Variants in DNAAF9 observed in about 807,000 individuals in gnomAD.
DNAAF9 encodes shulin.
Under a neutral mutation model 167.0 loss-of-function variants are expected in DNAAF9, and 90 were observed. The ratio of observed to expected loss-of-function variants is 0.54; its 90% CI spans 0.45 to 0.64. The LOEUF is 0.64. Among genes scored for constraint, DNAAF9 ranks in the 30% least tolerant of loss-of-function variants. The pLI is 0.00. For missense variants in DNAAF9, 1,315 were observed against 1,442.2 expected (o/e 0.91, Z 1.43); for synonymous variants, 491 against 508.8 (o/e 0.96, Z 0.47).
Position 3,329,114 on chromosome 20 carries a change from C to T in DNAAF9, c.1100+1532G>A, listed in dbSNP as rs185316676. The stretch of plus-strand genomic sequence containing the variant: ...TGAACTCCTGACCTCATGTGATCCA[C>T]CCGCCTTGGCCTCCCAAAGTGCTGG... On this transcript the variant is annotated intron_variant, in intron 12 of 36. Transcript: ENST00000252032. 2.5e-3 allele frequency among the ~76,000 whole-genome samples: 375 copies of T among 152,166 alleles called. 1 individual carries two copies. Among genetic ancestry groups the T allele is most frequent in the African/African-American group, 8.7e-3 (361 of 41,498 alleles).
intron 30 of DNAAF9, among the ~76,000 whole-genome samples, chr20:3,267,083 C>T (rs2068504612): frequency 6.6e-6 from 1 of 150,610 alleles, no homozygotes; most frequent in Non-Finnish European, 1.5e-5. Flanking sequence ...AACTCCCGAC[C>T]TCAGGTGATC....
At position 3,332,515 on chromosome 20, in the gene DNAAF9, G is replaced by A. The variant is rs141526136; in HGVS notation, c.982-154C>T. Among the ~76,000 whole-genome samples the A allele has an allele frequency of 3.9e-3, 591 of 151,426 alleles. 9 individuals carry two copies. The highest frequency in any genetic ancestry group is 0.027 in the Admixed American group (409 of 15,232). ...GTCATGTAGGATGGAGTGCAGTGGC[G>A]CAATCTCAGATCATTGCAACCTCCA... On this transcript the variant is annotated intron_variant, in intron 10 of 36. Coordinates refer to ENST00000252032, the MANE Select transcript of DNAAF9 (RefSeq NM_001009984.3).
At chr20:3,255,349 G>A (rs2068260039) in intron 34 of DNAAF9, 65 bp from the exon 35 acceptor site, 1 of 968,956 alleles carries the variant, frequency 1.0e-6, no homozygotes, top group African/African-American at 1.6e-5. Flanking sequence ...GGCAGGGGAG[G>A]GCTCTGGGCT....
At chr20:3,371,791 C>G (rs183137987) in intron 6 of DNAAF9, among the ~76,000 whole-genome samples, 6 of 152,112 alleles carry the variant, frequency 3.9e-5, no homozygotes, top group Admixed American at 3.9e-4. Flanking sequence ...TGAATGCTCA[C>G]TGGTTACTCA....
intron 12 of DNAAF9, among the ~76,000 whole-genome samples, chr20:3,330,432 G>A (rs1038457391): frequency 6.6e-6 from 1 of 151,842 alleles, no homozygotes; most frequent in Non-Finnish European, 1.5e-5. Flanking sequence ...TGTAGAGACA[G>A]GGTCTGCTTA....
At chr20:3,344,622 CACACACACACACACACA>C (rs1568617692) in intron 8 of DNAAF9, among the ~76,000 whole-genome samples, 1,633 of 149,490 alleles carry the variant, frequency 0.011, 40 homozygotes, top group African/African-American at 0.04. Context: ...CACACACACA[CACACACACACACACACA>C]CCTCATGTAG....
At chr20:3,319,511 G>A (rs1159797561) in intron 16 of DNAAF9, among the ~76,000 whole-genome samples, 3 of 152,130 alleles carry the variant, frequency 2.0e-5, no homozygotes, top group African/African-American at 2.4e-5. Flanking sequence ...TGACCAGGAA[G>A]ATCTGATGAG....
intron 2 of DNAAF9, 117 bp from the exon 3 acceptor site, chr20:3,381,615 C>A (rs937797498): frequency 3.0e-6 from 3 of 989,682 alleles, no homozygotes; most frequent in Admixed American, 3.0e-5. Context: ...CAGCTCAGAC[C>A]AGTTTTGTGC....
In DNAAF9 at chr20:3,350,148, G is replaced by GACACACACACACACACAC. The variant is rs1324124710; in HGVS notation, c.691-1526_691-1525insGTGTGTGTGTGTGTGTGT. On this transcript the variant is annotated intron_variant, in intron 7 of 36. Coordinates refer to ENST00000252032, the MANE Select transcript of DNAAF9 (RefSeq NM_001009984.3). Reference sequence around the variant, plus strand: ...AGACACACAGACACACAGACACACAGACACACAGACACACACACACACACA... The same window carrying GACACACACACACACACAC: ...AGACACACAGACACACAGACACACAGACACACACACACACACACACACACAGACACACACACACACACA... Among the ~76,000 whole-genome samples the GACACACACACACACACAC allele has an allele frequency of 4.0e-3, 277 of 68,940 alleles. 1 individual carries two copies. Among genetic ancestry groups the GACACACACACACACACAC allele is most frequent in the Non-Finnish European group, 6.6e-3 (198 of 30,072 alleles). 45.2% of individuals were successfully genotyped at this position (68,940 alleles called of 152,430 possible).
At chr20:3,300,475 G>A (rs973896795) in intron 21 of DNAAF9, among the ~76,000 whole-genome samples, 1 of 151,462 alleles carries the variant, frequency 6.6e-6, no homozygotes, top group Non-Finnish European at 1.5e-5. Context: ...CTGAGACAGG[G>A]TCTCACTCTG....
intron 7 of DNAAF9, among the ~76,000 whole-genome samples, chr20:3,349,192 C>CAAAAAAAAAAAAAAA (rs148023287): frequency 2.6e-5 from 1 of 39,100 alleles, no homozygotes; most frequent in Non-Finnish European, 4.3e-5. Context: ...TCGTCTCTAC[C>CAAAAAAAAAAAAAAA]AAAAAAAAAA....
intron 25 of DNAAF9, among the ~76,000 whole-genome samples, chr20:3,293,448 G>C (rs2069002864): frequency 6.6e-6 from 1 of 151,394 alleles, no homozygotes; most frequent in Non-Finnish European, 1.5e-5. Context: ...ACTTTGGGAG[G>C]CCGGGGTGGG....
At chr20:3,348,331 C>T (rs1485921317) in intron 8 of DNAAF9, among the ~76,000 whole-genome samples, 194 bp downstream of exon 8, 3 of 152,082 alleles carry the variant, frequency 2.0e-5, no homozygotes, top group Non-Finnish European at 4.4e-5. Context: ...AATGGAGAAG[C>T]TGGCACAAAA....
chr20:3,290,498 C>T (rs2122906041), intron 25 of DNAAF9, among the ~76,000 whole-genome samples: 1 of 152,316 alleles, frequency 6.6e-6, no homozygotes, highest in South Asian at 2.1e-4. Flanking sequence ...AGAGTAGTAA[C>T]ACTAATTAGA....
Position 3,344,616 on chromosome 20 carries a change from C to T in DNAAF9, c.790-885G>A, listed in dbSNP as rs980780152. Among the ~76,000 whole-genome samples the T allele has an allele frequency of 3.7e-3, 563 of 150,500 alleles. 2 individuals are homozygous for T. Among genetic ancestry groups the T allele is most frequent in the Admixed American group, 5.4e-3 (82 of 15,118 alleles). On this transcript the variant is annotated intron_variant, in intron 8 of 36. Transcript: ENST00000252032. ...ACACACACACACACACACACACACA[C>T]ACACACACACACACACACACACACC...
intron 7 of DNAAF9, among the ~76,000 whole-genome samples, chr20:3,356,903 A>G (rs975829111): frequency 6.6e-6 from 1 of 152,202 alleles, no homozygotes; most frequent in African/African-American, 2.4e-5. Context: ...CAAGGGCATG[A>G]AGGGAAAAAA....
intron 1 of DNAAF9, among the ~76,000 whole-genome samples, chr20:3,389,633 A>C (rs1349350531): frequency 1.3e-5 from 2 of 152,130 alleles, no homozygotes. Flanking sequence ...GTTTTTAAAA[A>C]GTCAGCATTA....
chr20:3,383,450 CAGAG>C (rs2083691331), intron 1 of DNAAF9, among the ~76,000 whole-genome samples: 1 of 151,438 alleles, frequency 6.6e-6, no homozygotes, highest in Non-Finnish European at 1.5e-5. Flanking sequence ...TGTATTTTAG[CAGAG>C]ATGGAGTTTT....
intron 3 of DNAAF9, among the ~76,000 whole-genome samples, chr20:3,377,680 G>T (rs1188301408): frequency 6.6e-6 from 1 of 151,718 alleles, no homozygotes. Flanking sequence ...GGCTGGTCTC[G>T]AACTCCTAAG....
Sources: allele counts gnomAD v4.1 joint callset (sites outside exome capture counted in the v4.1 genomes callset), GRCh38; gene constraint gnomAD v4.1.1; transcripts MANE v1.5; gene names NCBI Gene and HGNC (gene_info 2026-07-23, HGNC 2026-07-21).